RNF220: variants seen among roughly 807,000 people sequenced by gnomAD.
The protein encoded by RNF220 is ring finger protein 220.
A neutral mutation model predicts 67.1 loss-of-function variants in RNF220; 7 were observed. The ratio of observed to expected loss-of-function variants is 0.10; its 90% confidence interval spans 0.06 to 0.20. RNF220 has a LOEUF of 0.20. Ranked by LOEUF, RNF220 falls within the 10% of genes least tolerant of loss-of-function variation. RNF220 has a pLI of 1.00. For missense variants in RNF220, 565 were observed against 740.3 expected, an observed-to-expected ratio of 0.76 and a Z score of 2.75; for synonymous variants, 270 against 283.2, an observed-to-expected ratio of 0.95 and a Z score of 0.47.
intron 2 of RNF220, among the ~76,000 whole-genome samples, chr1:44,494,281 G>A (rs939447266): frequency 3.3e-5 from 5 of 151,664 alleles, no homozygotes; most frequent in African/African-American, 1.2e-4. Flanking sequence ...AGGGATGAAG[G>A]GATAAACTTA....
At chr1:44,596,426 G>A (rs1666490468) in intron 2 of RNF220, among the ~76,000 whole-genome samples, 1 of 152,128 alleles carries the variant, frequency 6.6e-6, no homozygotes, top group Non-Finnish European at 1.5e-5. Flanking sequence ...GCTGGGTGTG[G>A]TGGCAGGTAC....
intron 2 of RNF220, among the ~76,000 whole-genome samples, chr1:44,539,066 C>CA (rs1287644937): frequency 2.6e-5 from 4 of 151,724 alleles, no homozygotes; most frequent in African/African-American, 9.7e-5. Flanking sequence ...ACTAAAAATA[C>CA]AAAAATTAGC....
chr1:44,646,702 C>T (rs1320084363), intron 12 of RNF220, among the ~76,000 whole-genome samples: 1 of 152,158 alleles, frequency 6.6e-6, no homozygotes, highest in African/African-American at 2.4e-5. Flanking sequence ...ACAACCCACC[C>T]AAGGCTGGGG....
intron 2 of RNF220, among the ~76,000 whole-genome samples, chr1:44,602,373 A>G (rs1358786809): frequency 6.6e-6 from 1 of 152,104 alleles, no homozygotes; most frequent in Non-Finnish European, 1.5e-5. Flanking sequence ...GGGAGAATAA[A>G]CAGCCTGCAG....
At chr1:44,439,449 AT>A (rs908068860) in intron 2 of RNF220, among the ~76,000 whole-genome samples, 5 of 151,114 alleles carry the variant, frequency 3.3e-5, no homozygotes, top group Admixed American at 2.6e-4. Context: ...TTAATCTATA[AT>A]ATTTGTTGCA....
At chr1:44,573,699 G>A (rs1289733075) in intron 2 of RNF220, among the ~76,000 whole-genome samples, 1 of 152,192 alleles carries the variant, frequency 6.6e-6, no homozygotes, top group East Asian at 1.9e-4. Flanking sequence ...TTGATTTCAT[G>A]GAAACATGTC....
chr1:44,635,369 G>T, intron 6 of RNF220, 176 bp from the exon 7 acceptor site: 2 of 950,852 alleles, frequency 2.1e-6, no homozygotes, highest in Non-Finnish European at 3.0e-6. Context: ...AGGTGCTCTT[G>T]GCAAAGCCCA....
intron 2 of RNF220, among the ~76,000 whole-genome samples, chr1:44,450,909 C>CTGG (rs1557938041): frequency 3.9e-5 from 6 of 152,116 alleles, no homozygotes; most frequent in Admixed American, 2.6e-4. Context: ...CTTGGCCCCA[C>CTGG]GTGGTGGCTC....
intron 2 of RNF220, among the ~76,000 whole-genome samples, chr1:44,574,810 A>G (rs573264965): frequency 1.3e-5 from 2 of 150,742 alleles, no homozygotes; most frequent in Admixed American, 6.6e-5. Flanking sequence ...GCTAACCCCT[A>G]TGGGATTGTT....
At position 44,651,566 on chromosome 1, in the gene RNF220, T is replaced by A. The variant is rs997561973; in HGVS notation, c.*791T>A. The A allele has an allele frequency of 6.5e-6, 1 of 152,862 alleles. No individual in the cohort carries two copies. Among genetic ancestry groups the A allele is most frequent in the Admixed American group, 6.5e-5 (1 of 15,320 alleles). The allele number at this position is 152,862 out of a possible 1,614,324, so 9.5% of individuals were successfully genotyped here. A position where few individuals can be genotyped will look rare whatever the true frequency, so the allele number is the denominator to read the frequency against. On this transcript the variant is annotated 3_prime_UTR_variant, in exon 15 of 15. Transcript: ENST00000361799. Reference sequence around the variant, plus strand: ...CCCAGCCTCTGCTGAGAACCATTCCTGGGATTAGAGCTGCCTTTCCCAGGG... The same window carrying A: ...CCCAGCCTCTGCTGAGAACCATTCCAGGGATTAGAGCTGCCTTTCCCAGGG...
At chr1:44,632,793 T>G in intron 6 of RNF220, 1 of 207,014 alleles carries the variant, frequency 4.8e-6, no homozygotes. Context: ...ACAGCCCCTC[T>G]GCTGAGACTT....
intron 2 of RNF220, among the ~76,000 whole-genome samples, chr1:44,507,129 G>C (rs1658504270): frequency 6.6e-6 from 1 of 152,122 alleles, no homozygotes; most frequent in African/African-American, 2.4e-5. Context: ...AGGCATCAGG[G>C]CAGACCACAG....
chr1:44,449,560 T>C (rs1386945401), intron 2 of RNF220, among the ~76,000 whole-genome samples: 1 of 152,094 alleles, frequency 6.6e-6, no homozygotes, highest in East Asian at 1.9e-4. Context: ...ATTACAGGCA[T>C]GTGCCACCAT....
At chr1:44,490,387 T>C (rs1425574283) in intron 2 of RNF220, among the ~76,000 whole-genome samples, 1 of 151,928 alleles carries the variant, frequency 6.6e-6, no homozygotes, top group Admixed American at 6.6e-5. Flanking sequence ...GAAGAATCAC[T>C]TGAACCCAGA....
At chr1:44,581,531 A>G (rs1218026178) in intron 2 of RNF220, among the ~76,000 whole-genome samples, 2 of 152,200 alleles carry the variant, frequency 1.3e-5, no homozygotes, top group Admixed American at 6.5e-5. Context: ...CCAGGCAACC[A>G]TGGCTTTCAG....
chr1:44,516,552 T>C (rs1659464218), intron 2 of RNF220, among the ~76,000 whole-genome samples: 2 of 152,108 alleles, frequency 1.3e-5, no homozygotes, highest in African/African-American at 4.8e-5. Context: ...CTGTCCTCAT[T>C]TTTGTGATAG....
chr1:44,450,908 A>AG (rs1458837172), intron 2 of RNF220, among the ~76,000 whole-genome samples: 6 of 152,106 alleles, frequency 3.9e-5, no homozygotes, highest in Admixed American at 2.6e-4. Flanking sequence ...ACTTGGCCCC[A>AG]CGTGGTGGCT....
chr1:44,428,006 C>T (rs369566829), intron 2 of RNF220, among the ~76,000 whole-genome samples: 2 of 152,174 alleles, frequency 1.3e-5, no homozygotes, highest in Admixed American at 6.5e-5. Context: ...AGTCTTCCTA[C>T]GACTGAAAAA....
chr1:44,460,742 C>T (rs903835262), intron 2 of RNF220, among the ~76,000 whole-genome samples: 1 of 152,220 alleles, frequency 6.6e-6, no homozygotes, highest in South Asian at 2.1e-4. Flanking sequence ...GCTAAAGAGG[C>T]CGTGCTGGTA....
Sources: gnomAD v4.1 joint callset for allele counts (sites outside exome capture counted in the v4.1 genomes callset) on GRCh38, gnomAD v4.1.1 for gene constraint, MANE v1.5 for transcripts, NCBI Gene and HGNC (gene_info 2026-07-23, HGNC 2026-07-21) for gene names.